Variants in EPC1 observed in about 807,000 individuals in gnomAD.
The protein encoded by EPC1 is enhancer of polycomb homolog 1.
A neutral mutation model predicts 98.4 loss-of-function variants in EPC1; 12 were observed. That is an observed-to-expected ratio of 0.12 (90% confidence interval 0.08 to 0.20). The LOEUF (loss-of-function observed/expected upper bound fraction) is 0.20. Among genes scored for constraint, EPC1 ranks in the 10% least tolerant of loss-of-function variants. The probability of loss-of-function intolerance (pLI) is 1.00; values close to 1 mark genes in which losing one functional copy is unlikely to be tolerated. For missense variants in EPC1, 729 were observed against 990.5 expected (o/e 0.74, Z 3.54); for synonymous variants, 357 against 363.9 (o/e 0.98, Z 0.21).
At chr10:32,269,282 CTTTATAG>C in intron 13 of EPC1, 147 bp from the exon 14 acceptor site, 2 of 595,284 alleles carry the variant, frequency 3.4e-6, no homozygotes, top group Non-Finnish European at 2.9e-6. Flanking sequence ...GAATACGAAT[CTTTATAG>C]TTTATTATCA....
Position 32,299,007 on chromosome 10 carries a change from AC to A in EPC1, c.314-5271del, listed in dbSNP as rs1835337110. On this transcript the variant is annotated intron_variant, in intron 2 of 13. Transcript: ENST00000319778. ...ACTTATATAAGTTGTTGAAATAAAA[AC>A]AGTACAAGGAACACCTGCATACTCT... Among the ~76,000 whole-genome samples, 5 of 152,284 alleles carry A rather than the reference AC, an allele frequency of 3.3e-5. No homozygotes were observed. In the South Asian group the frequency reaches 1.0e-3, roughly 32 times the overall value.
At chr10:32,285,362 G>A in intron 9 of EPC1, 1 of 250,410 alleles carries the variant, frequency 4.0e-6, no homozygotes, top group Non-Finnish European at 7.6e-6. Context: ...CTTTTGGGGG[G>A]AAAGGGAGAA....
chr10:32,313,618 C>T (rs911661822), intron 1 of EPC1, among the ~76,000 whole-genome samples: 19 of 152,028 alleles, frequency 1.2e-4, no homozygotes, highest in African/African-American at 4.1e-4. Context: ...AGGCTGGGCG[C>T]GGTGGCTCAC....
intron 2 of EPC1, among the ~76,000 whole-genome samples, chr10:32,303,148 A>G (rs1265645048): frequency 6.6e-6 from 1 of 152,184 alleles, no homozygotes; most frequent in East Asian, 1.9e-4. Flanking sequence ...TACTAAAAGT[A>G]CAAAATTAGC....
rs1835863630 is a variant in EPC1 at position 32,271,887 on chromosome 10, G to A, written c.2036C>T (p.Thr679Ile). ...GVYKGLHLSS[T>I]TPTALVHTSP... ...TGTATGTACAAGTGCTGTTGGTGTA[G>A]TACTACTGAGGTGTAAGCCCTTGTA... The change falls in exon 13 of 14, where the codon ACT (threonine) becomes ATT (isoleucine). Residue 679 changes from threonine to isoleucine, a missense_variant. By Grantham distance (89) the Thr-to-Ile change is moderately conservative (BLOSUM62 -1). Transcript: ENST00000319778. The A allele has an allele frequency of 1.2e-6, 2 of 1,614,008 alleles. No homozygotes were observed. Among genetic ancestry groups the A allele is most frequent in the East Asian group, 2.2e-5 (1 of 44,880 alleles).
chr10:32,331,561 TTAA>T (rs1837643652), intron 1 of EPC1, among the ~76,000 whole-genome samples: 1 of 152,084 alleles, frequency 6.6e-6, no homozygotes, highest in South Asian at 2.1e-4. Flanking sequence ...TCTCCAGAAC[TTAA>T]TATTACAAGT....
chr10:32,313,538 G>A (rs1238674477), intron 1 of EPC1, among the ~76,000 whole-genome samples: 1 of 152,242 alleles, frequency 6.6e-6, no homozygotes, highest in Non-Finnish European at 1.5e-5. Flanking sequence ...TATCAGTGGA[G>A]AAAGTGACAT....
intron 10 of EPC1, among the ~76,000 whole-genome samples, chr10:32,275,613 A>AC (rs1836044809): frequency 6.6e-6 from 1 of 151,340 alleles, no homozygotes; most frequent in African/African-American, 2.4e-5. Context: ...AAAAAAAAAA[A>AC]ACAAAAAAAA....
At chr10:32,306,006 T>G in intron 1 of EPC1, 75 bp from the exon 2 acceptor site, 1 of 1,337,082 alleles carries the variant, frequency 7.5e-7, no homozygotes, top group Non-Finnish European at 9.9e-7. Context: ...CAAAAAGGTT[T>G]TTTTGGCTCA....
At chr10:32,377,365 C>CA (rs1295201701) in intron 1 of EPC1, 3 of 152,144 alleles carry the variant, frequency 2.0e-5, no homozygotes, top group Admixed American at 6.5e-5. Context: ...AACTAAAACT[C>CA]AGACATTTGG....
chr10:32,295,584 C>T (rs1376536288), intron 2 of EPC1, among the ~76,000 whole-genome samples: 1 of 152,124 alleles, frequency 6.6e-6, no homozygotes, highest in African/African-American at 2.4e-5. Flanking sequence ...ATTACGTAAA[C>T]AGCTTTTAGA....
rs868278793 is a variant in EPC1 at position 32,292,503 on chromosome 10, C to T, written c.808G>A (p.Glu270Lys). The change falls in exon 5 of 14, where the codon GAA (glutamate) becomes AAA (lysine). Residue 270 changes from glutamate to lysine, a missense_variant. Around this residue, in one of 6 missense-constraint regions of EPC1, gnomAD observed 39 missense variants for 94.9 expected, o/e 0.41. Transcript: ENST00000319778. ...TATTAAAATATACATTACCTCTTTT[C>T]CATAATTTCCAGTGTTAAGTGCAAT... ...ELLHLTLEIMEKRYNLGDYNG... is the reference protein window; with the variant it reads ...ELLHLTLEIMKKRYNLGDYNG... The T allele has an allele frequency of 2.6e-6, 4 of 1,567,262 alleles. No individual in the cohort carries two copies. The highest frequency in any genetic ancestry group is 4.6e-4 in the Middle Eastern group (2 of 4,358).
intron 1 of EPC1, among the ~76,000 whole-genome samples, chr10:32,364,536 T>G (rs1839541678): frequency 6.6e-6 from 1 of 152,232 alleles, no homozygotes; most frequent in South Asian, 2.1e-4. Context: ...TTGAATGGTC[T>G]TGATGTTAAT....
At chr10:32,375,398 C>T (rs1413370659) in intron 1 of EPC1, among the ~76,000 whole-genome samples, 1 of 152,020 alleles carries the variant, frequency 6.6e-6, no homozygotes. Context: ...ATGAGTTTGG[C>T]TAACCTGAAA....
chr10:32,303,171 T>TG (rs1835673507), intron 2 of EPC1, among the ~76,000 whole-genome samples: 1 of 152,058 alleles, frequency 6.6e-6, no homozygotes, highest in Admixed American at 6.5e-5. Flanking sequence ...TGTGTGGTGG[T>TG]GCACACCTGT....
At chr10:32,291,548 G>A in intron 5 of EPC1, 1 of 329,938 alleles carries the variant, frequency 3.0e-6, no homozygotes, top group Non-Finnish European at 5.5e-6. Flanking sequence ...TGTACATTAG[G>A]TCTCCAGAAT....
At chr10:32,331,267 G>T (rs906276304) in intron 1 of EPC1, among the ~76,000 whole-genome samples, 1 of 151,640 alleles carries the variant, frequency 6.6e-6, no homozygotes, top group African/African-American at 2.4e-5. Flanking sequence ...CAGGAGAAGT[G>T]CTTGAACCCG....
chr10:32,270,512 G>A (rs1011329057), intron 13 of EPC1, among the ~76,000 whole-genome samples: 1 of 152,124 alleles, frequency 6.6e-6, no homozygotes, highest in Admixed American at 6.6e-5. Flanking sequence ...CATGAATACT[G>A]TAAGTCTTTA....
intron 1 of EPC1, among the ~76,000 whole-genome samples, chr10:32,361,596 T>A (rs573769581): frequency 3.9e-5 from 6 of 152,318 alleles, no homozygotes; most frequent in African/African-American, 1.4e-4. Flanking sequence ...GAAATGCAAT[T>A]ATAACCTTTT....
Sources: gnomAD v4.1 joint callset for allele counts (sites outside exome capture counted in the v4.1 genomes callset) on GRCh38, gnomAD v4.1.1 for gene constraint, gnomAD v4.1.1 regional missense constraint, MANE v1.5 for transcripts, NCBI Gene and HGNC (gene_info 2026-07-23, HGNC 2026-07-21) for gene names.